ZNF479: variants seen among roughly 807,000 people sequenced by gnomAD.
The protein encoded by ZNF479 is zinc finger protein 479, also known as KRAB zinc finger protein KR19.
ZNF479 carries 15 observed loss-of-function variants against 14.7 expected under a neutral mutation model. The observed-to-expected ratio is 1.02, with a 90% CI of 0.68 to 1.57. ZNF479 has a LOEUF of 1.57. Among genes scored for constraint, ZNF479 ranks in the 40% most tolerant of loss-of-function variants. ZNF479 has a pLI of 0.00. For missense variants in ZNF479, 506 were observed against 615.1 expected, an observed-to-expected ratio of 0.82 and a Z score of 1.88; for synonymous variants, 145 against 211.5, an observed-to-expected ratio of 0.69 and a Z score of 2.73.
chr7:57,125,895 T>C, intron 3 of ZNF479, 123 bp downstream of exon 3: 1 of 1,346,300 alleles, frequency 7.4e-7, no homozygotes, highest in Non-Finnish European at 1.0e-6. Flanking sequence ...AAAAAATGAC[T>C]TGAGCTTCTC....
chr7:57,132,250 C>A (rs779047438), intron 1 of ZNF479, 36 bp downstream of exon 1: 2 of 1,613,868 alleles, frequency 1.2e-6, no homozygotes, highest in Non-Finnish European at 1.7e-6. Context: ...CAATCAGCCC[C>A]CACCCCTCTC....
upstream of ZNF479, among the ~76,000 whole-genome samples, chr7:57,137,115 G>C (rs1472243152): frequency 6.6e-6 from 1 of 152,112 alleles, no homozygotes; most frequent in Non-Finnish European, 1.5e-5. Context: ...AGTAGTAAGA[G>C]AATTAAATAA....
rs1786458892 is a variant in ZNF479, at chr7:57,132,174, G to T, written c.39+112C>A. On this transcript the variant is annotated intron_variant, in intron 1 of 3. Coordinates refer to ENST00000319636, the MANE Select transcript of ZNF479 (RefSeq NM_001370129.2). The stretch of plus-strand genomic sequence containing the variant: ...CCGAGCTGGGCCAAAGAGGATTTGG[G>T]TCGGCAGGCCCTGGAACTGACTGCA... 3 of 1,592,492 alleles carry T rather than the reference G, an allele frequency of 1.9e-6. No individual in the cohort carries two copies. In the Admixed American group the frequency reaches 5.0e-5, roughly 27 times the overall value.
chr7:57,135,629 T>A (rs1786612826), upstream of ZNF479, among the ~76,000 whole-genome samples: 3 of 152,028 alleles, frequency 2.0e-5, no homozygotes, highest in African/African-American at 4.8e-5. Context: ...GCCAGGCTGG[T>A]CTTGAACTCC....
At chr7:57,125,926 C>T in intron 3 of ZNF479, 92 bp downstream of exon 3, 1 of 1,516,158 alleles carries the variant, frequency 6.6e-7, no homozygotes, top group Non-Finnish European at 8.9e-7. Flanking sequence ...TTCATCAAAG[C>T]ACAGCTCCCC....
intron 1 of ZNF479, among the ~76,000 whole-genome samples, chr7:57,128,516 T>C (rs1357527045): frequency 6.6e-6 from 1 of 152,208 alleles, no homozygotes; most frequent in Non-Finnish European, 1.5e-5. Flanking sequence ...AAGACAACGG[T>C]ATTTCCCCAA....
At chr7:57,131,635 G>A (rs1786426697) in intron 1 of ZNF479, among the ~76,000 whole-genome samples, 1 of 151,192 alleles carries the variant, frequency 6.6e-6, no homozygotes, top group African/African-American at 2.4e-5. Flanking sequence ...AAAATATTTG[G>A]CCTAGGCAAC....
At chr7:57,122,860 T>C (rs2115862524) in intron 3 of ZNF479, among the ~76,000 whole-genome samples, 1 of 152,210 alleles carries the variant, frequency 6.6e-6, no homozygotes, top group South Asian at 2.1e-4. Context: ...TGTATATGCA[T>C]ATATAACATC....
upstream of ZNF479, among the ~76,000 whole-genome samples, chr7:57,136,158 C>A (rs545139667): frequency 6.6e-6 from 1 of 151,926 alleles, no homozygotes; most frequent in Non-Finnish European, 1.5e-5. Flanking sequence ...CCGAGGTGGG[C>A]GGATCACCTG....
At chr7:57,129,343 G>T (rs1786319511) in intron 1 of ZNF479, among the ~76,000 whole-genome samples, 1 of 152,146 alleles carries the variant, frequency 6.6e-6, no homozygotes, top group Non-Finnish European at 1.5e-5. Context: ...GGATCCAAAA[G>T]GGTCCAGGAA....
intron 1 of ZNF479, among the ~76,000 whole-genome samples, chr7:57,129,454 C>A (rs1161303522): frequency 6.6e-6 from 1 of 152,000 alleles, no homozygotes; most frequent in South Asian, 2.1e-4. Flanking sequence ...CTTACACACA[C>A]CACATTTGTC....
chr7:57,137,416 C>T (rs1254140116), upstream of ZNF479, among the ~76,000 whole-genome samples: 3 of 152,188 alleles, frequency 2.0e-5, no homozygotes, highest in Admixed American at 6.5e-5. Flanking sequence ...CCACCCTCCT[C>T]GGACTCCCAA....
intron 3 of ZNF479, among the ~76,000 whole-genome samples, chr7:57,123,860 C>T (rs1347079548): frequency 1.3e-5 from 2 of 151,736 alleles, no homozygotes; most frequent in Non-Finnish European, 2.9e-5. Context: ...AGAGCAAAAT[C>T]ATACAGTATA....
rs1554400296 is a variant in ZNF479 at position 57,120,727 on chromosome 7, T to C, written c.688A>G (p.Thr230Ala). The change falls in exon 4 of 4, where the codon ACA becomes GCA. Residue 230 changes from threonine (T) to alanine (A), a missense_variant. Thr to Ala is a moderately conservative substitution (Grantham distance 58). Transcript: ENST00000319636. ...TCTCCAGTATGAATTATTTTATGTGTAGTATGGTTTGAGGAGCAGTTAAAG... is the reference window on the plus strand; with the variant it reads ...TCTCCAGTATGAATTATTTTATGTGCAGTATGGTTTGAGGAGCAGTTAAAG... Reference protein sequence around the residue: ...KSFNCSSNHTTHKIIHTGEKP... With the variant: ...KSFNCSSNHTAHKIIHTGEKP... 6.2e-7 allele frequency: 1 copy of C among 1,612,240 alleles called. No homozygotes were observed. The highest frequency in any genetic ancestry group is 1.3e-5 in the African/African-American group (1 of 74,818).
Position 57,137,645 on chromosome 7 carries a change from G to A in ZNF479, c.-15+1963C>T, listed in dbSNP as rs1267329814. Among the ~76,000 whole-genome samples the A allele has an allele frequency of 3.9e-5, 6 of 152,356 alleles. No homozygotes were observed. The East Asian group carries it at 1.2e-3, about 29-fold the overall frequency. ...TTTATCTCTGAACCTTTTCACAGGT[G>A]TGATTGTGTCATATAGTTTCACTCA... is the stretch of plus-strand genomic sequence containing the variant. On this transcript the variant is annotated intron_variant, in intron 1 of 4. Coordinates refer to the ZNF479 transcript ENST00000331162.
chr7:57,139,329 A>G (rs1402452074), intron 1 of ZNF479, among the ~76,000 whole-genome samples: 1 of 152,198 alleles, frequency 6.6e-6, no homozygotes, highest in African/African-American at 2.4e-5. Flanking sequence ...AAGATTCAGC[A>G]GCCCTGTGAG....
At chr7:57,131,672 A>G (rs1415812091) in intron 1 of ZNF479, among the ~76,000 whole-genome samples, 1 of 152,148 alleles carries the variant, frequency 6.6e-6, no homozygotes, top group African/African-American at 2.4e-5. Flanking sequence ...ATCTCTGATG[A>G]CATAACCAAG....
intron 1 of ZNF479, among the ~76,000 whole-genome samples, chr7:57,129,028 A>G (rs1409620163): frequency 6.6e-6 from 1 of 152,126 alleles, no homozygotes; most frequent in African/African-American, 2.4e-5. Flanking sequence ...GAAAACATTC[A>G]CCCATTTTTG....
At chr7:57,123,617 T>C (rs1335354210) in intron 3 of ZNF479, among the ~76,000 whole-genome samples, 2 of 152,176 alleles carry the variant, frequency 1.3e-5, no homozygotes, top group East Asian at 3.9e-4. Context: ...AAGAATCACT[T>C]GGGGCAAGAA....
Sources: gnomAD v4.1 joint callset for allele counts (sites outside exome capture counted in the v4.1 genomes callset) on GRCh38, gnomAD v4.1.1 for gene constraint, MANE v1.5 for transcripts, NCBI Gene and HGNC (gene_info 2026-07-23, HGNC 2026-07-21) for gene names.